Variants in GMEB2 observed in about 807,000 individuals in gnomAD.
The protein encoded by GMEB2 is glucocorticoid modulatory element-binding protein 2.
Under a neutral mutation model 45.7 loss-of-function variants are expected in GMEB2, and 7 were observed. That is an observed-to-expected ratio of 0.15 (90% CI 0.09 to 0.29). The LOEUF is 0.29. Ranked by LOEUF, GMEB2 falls within the 10% of genes least tolerant of loss-of-function variation. GMEB2 has a pLI of 1.00. For synonymous variants in GMEB2, 322 were observed against 323.6 expected (o/e 1.00, Z 0.05); for missense variants, 582 against 739.2 (o/e 0.79, Z 2.47).
intron 2 of GMEB2, among the ~76,000 whole-genome samples, chr20:63,615,815 G>A (rs970925220): frequency 7.9e-5 from 12 of 152,162 alleles, no homozygotes; most frequent in African/African-American, 2.7e-4. Context: ...CTCCCTTTGT[G>A]GGGGTTCATC....
At chr20:63,594,796 T>C (rs2083179526) in intron 6 of GMEB2, among the ~76,000 whole-genome samples, 1 of 152,138 alleles carries the variant, frequency 6.6e-6, no homozygotes, top group African/African-American at 2.4e-5. Context: ...TCGCCCAGGC[T>C]GGAGGGCAGT....
chr20:63,590,069 G>A lies in GMEB2; in HGVS notation c.*20C>T, dbSNP rs748889830. The A allele has an allele frequency of 1.3e-6, 2 of 1,495,292 alleles. No homozygotes were observed. Among genetic ancestry groups the A allele is most frequent in the East Asian group, 2.3e-5 (1 of 42,992 alleles). The allele number at this position is 1,495,292 out of a possible 1,614,324, so 92.6% of individuals were successfully genotyped here. On this transcript the variant is annotated 3_prime_UTR_variant, in exon 10 of 10. Coordinates refer to ENST00000370077, the MANE Select transcript of GMEB2 (RefSeq NM_012384.5). ...AGACAGCCAGCCCTGTCCGTCCCAGGGGCCTCGCCCTCCTGTCGGCTACTT... is the reference window on the plus strand; with the variant it reads ...AGACAGCCAGCCCTGTCCGTCCCAGAGGCCTCGCCCTCCTGTCGGCTACTT...
At chr20:63,614,460 G>A (rs2089593767) in intron 2 of GMEB2, among the ~76,000 whole-genome samples, 1 of 152,226 alleles carries the variant, frequency 6.6e-6, no homozygotes. Context: ...GTGGACCGTG[G>A]TCTAGCGGTA....
chr20:63,611,196 G>T (rs533801412), intron 2 of GMEB2, among the ~76,000 whole-genome samples: 1 of 152,374 alleles, frequency 6.6e-6, no homozygotes, highest in East Asian at 1.9e-4. Context: ...GCCTCTGCGT[G>T]GGGAGAGGGC....
chr20:63,623,171 GA>G (rs1401713577), intron 1 of GMEB2, among the ~76,000 whole-genome samples: 3 of 152,038 alleles, frequency 2.0e-5, no homozygotes, highest in Non-Finnish European at 2.9e-5. Flanking sequence ...TTTAAATGAG[GA>G]AAAAAAATTT....
intron 4 of GMEB2, among the ~76,000 whole-genome samples, chr20:63,599,536 C>A (rs1207319318): frequency 6.6e-6 from 1 of 152,240 alleles, no homozygotes; most frequent in Non-Finnish European, 1.5e-5. Context: ...ACTCGCCACA[C>A]AGTGAGGCTC....
rs1489652698 is a variant in GMEB2 at position 63,589,014 on chromosome 20, G to A, written c.*1075C>T. On this transcript the variant is annotated 3_prime_UTR_variant, in exon 10 of 10. Transcript: ENST00000370077. ...CTGAACACCCAGGGGCTCTCCCTTG[G>A]ACAGAGACCACCAAGGGCCAGCCCA... 1 of 398,790 alleles carries A rather than the reference G, an allele frequency of 2.5e-6. No individual in the cohort carries two copies. Among genetic ancestry groups the A allele is most frequent in the African/African-American group, 2.1e-5 (1 of 48,660 alleles). 24.7% of individuals were successfully genotyped at this position (398,790 alleles called of 1,614,324 possible).
At chr20:63,613,521 CTT>C (rs11481490) in intron 2 of GMEB2, among the ~76,000 whole-genome samples, 10 of 139,500 alleles carry the variant, frequency 7.2e-5, no homozygotes, top group East Asian at 4.1e-4. Flanking sequence ...TTTTTGTTTT[CTT>C]TTTTTTTTTT....
chr20:63,593,097 G>A lies in GMEB2; in HGVS notation c.620-15C>T, dbSNP rs751321631. Reference sequence around the variant, plus strand: ...AGACCCATTCACTGCAGCCGAAAGGGAACCTCGGGTGAGTGCTGTTTGGAC... The same window carrying A: ...AGACCCATTCACTGCAGCCGAAAGGAAACCTCGGGTGAGTGCTGTTTGGAC... On this transcript the variant is annotated splice_polypyrimidine_tract_variant and intron_variant, in intron 6 of 9. Transcript: ENST00000370077. This position sits in a 1 kb window ranked among gnomAD's most constrained non-coding sequence, Gnocchi z 4.7. 6.3e-7 allele frequency: 1 copy of A among 1,577,398 alleles called. No individual in the cohort carries two copies. Among genetic ancestry groups the A allele is most frequent in the African/African-American group, 1.3e-5 (1 of 74,372 alleles).
chr20:63,612,679 C>T (rs79958357), intron 2 of GMEB2, among the ~76,000 whole-genome samples: 5,104 of 152,256 alleles, frequency 0.034, 126 homozygotes, highest in Non-Finnish European at 0.05. Context: ...TGTGGGCTTA[C>T]GGGGCAAAGA....
At position 63,589,822 on chromosome 20, in the gene GMEB2, GTAT is replaced by G. The variant is rs1410491344; in HGVS notation, c.*264_*266del. The G allele has an allele frequency of 2.5e-6, 1 of 395,982 alleles. No homozygotes were observed. The highest frequency in any genetic ancestry group is 2.1e-5 in the African/African-American group (1 of 48,530). 24.5% of individuals were successfully genotyped at this position (395,982 alleles called of 1,614,324 possible). On this transcript the variant is annotated 3_prime_UTR_variant, in exon 10 of 10. Coordinates refer to ENST00000370077, the MANE Select transcript of GMEB2 (RefSeq NM_012384.5). ...CTGATCAAGGCCCAATGTGTAAACAGTATTAATAAGCAACAGATGGAAAAATAT... is the reference window on the plus strand; with the variant it reads ...CTGATCAAGGCCCAATGTGTAAACAGTAATAAGCAACAGATGGAAAAATAT...
chr20:63,616,907 G>T (rs998201080), intron 2 of GMEB2, among the ~76,000 whole-genome samples: 2 of 151,990 alleles, frequency 1.3e-5, no homozygotes, highest in African/African-American at 4.8e-5. Context: ...TAAAGATGGG[G>T]TCTTCAGGAG....
chr20:63,619,227 A>G lies in GMEB2; in HGVS notation c.131+40T>C, dbSNP rs1014910267. 12 of 1,537,040 alleles carry G rather than the reference A, an allele frequency of 7.8e-6. No individual in the cohort carries two copies. The African/African-American group carries it at 1.5e-4, about 19-fold the overall frequency. ...GCTGTGCCAAGGACAGCCCAACCCA[A>G]GCCCCCATCAGCCCCAATGGCACCG... On this transcript the variant is annotated intron_variant, in intron 2 of 9. Transcript: ENST00000370077. This position sits in a 1 kb window ranked among gnomAD's most constrained non-coding sequence, Gnocchi z 4.6.
rs2083110149 is a variant in GMEB2, at chr20:63,588,139, T to C, written c.*1950A>G. ...TCTGAAGCTGGTTGTGGCTTATTTT[T>C]GTATGGCTCTGAAATTAACTTCCTC... On this transcript the variant is annotated 3_prime_UTR_variant, in exon 10 of 10. Coordinates refer to ENST00000370077, the MANE Select transcript of GMEB2 (RefSeq NM_012384.5). 1 of 152,406 alleles carries C rather than the reference T, an allele frequency of 6.6e-6. No homozygotes were observed. The allele number at this position is 152,406 out of a possible 1,614,324, so 9.4% of individuals were successfully genotyped here.
intron 2 of GMEB2, among the ~76,000 whole-genome samples, chr20:63,612,671 T>C (rs905432550): frequency 1.3e-5 from 2 of 152,184 alleles, no homozygotes; most frequent in Non-Finnish European, 2.9e-5. Flanking sequence ...TCTGCAACTG[T>C]GGGCTTACGG....
chr20:63,612,113 A>T (rs1456634331), intron 2 of GMEB2, among the ~76,000 whole-genome samples: 1 of 152,262 alleles, frequency 6.6e-6, no homozygotes, highest in Non-Finnish European at 1.5e-5. Context: ...GACTCTGTCA[A>T]GGTAAAAAAT....
At chr20:63,607,506 A>C (rs1243678577) in intron 2 of GMEB2, among the ~76,000 whole-genome samples, 1 of 4,122 alleles carries the variant, frequency 2.4e-4, no homozygotes, top group African/African-American at 5.3e-4. Flanking sequence ...CCTCTGACCC[A>C]CACATCCATT....
intron 4 of GMEB2, among the ~76,000 whole-genome samples, chr20:63,601,220 T>G (rs2083239331): frequency 1.3e-5 from 2 of 152,232 alleles, no homozygotes; most frequent in Admixed American, 1.3e-4. Flanking sequence ...ACTATTTATT[T>G]GGATGCTAAA....
At position 63,613,103 on chromosome 20, in the gene GMEB2, A is replaced by G. The variant is rs569998279; in HGVS notation, c.131+6164T>C. ...CAGCCTCCTGAGTAACTGGGACTAC[A>G]GGTGCCTGCCATTGGGTGTTTTCTT... On this transcript the variant is annotated intron_variant, in intron 2 of 9. Transcript: ENST00000370077. 7.6e-4 allele frequency among the ~76,000 whole-genome samples: 115 copies of G among 152,202 alleles called. 3 individuals are homozygous for G. The highest frequency in any genetic ancestry group is 2.0e-3 in the Admixed American group (30 of 15,286).
Sources: gnomAD v4.1 joint callset for allele counts (sites outside exome capture counted in the v4.1 genomes callset) on GRCh38, gnomAD v4.1.1 for gene constraint, Gnocchi (gnomAD v3.1) non-coding constraint, MANE v1.5 for transcripts, NCBI Gene and HGNC (gene_info 2026-07-23, HGNC 2026-07-21) for gene names.